SHANK2: variants seen among roughly 807,000 people sequenced by gnomAD.
SHANK2 encodes the protein SH3 and multiple ankyrin repeat domains 2, also known as SH3 and multiple ankyrin repeat domains protein 2.
A neutral mutation model predicts 133.7 loss-of-function variants in SHANK2; 43 were observed. The ratio of observed to expected loss-of-function variants is 0.32; its 90% confidence interval spans 0.25 to 0.41. SHANK2 has a LOEUF of 0.41. Ranked by LOEUF, SHANK2 falls within the 10% of genes least tolerant of loss-of-function variation. SHANK2 has a pLI of 1.00. For synonymous variants in SHANK2, 1,017 were observed against 952.8 expected (o/e 1.07, Z -1.24); for missense variants, 1,994 against 2,235.8 (o/e 0.89, Z 2.18).
chr11:70,748,981 G>A lies in SHANK2; in HGVS notation c.1777+49462C>T, dbSNP rs374637201. On this transcript the variant is annotated intron_variant, in intron 14 of 25. Coordinates refer to ENST00000601538, the MANE Select transcript of SHANK2 (RefSeq NM_012309.5). ...AACACTACACAACAGAAACAATAAC[G>A]AATCCCCCCCATCACACACACACAG... 1.0e-3 allele frequency among the ~76,000 whole-genome samples: 143 copies of A among 143,408 alleles called. 1 individual carries two copies. The highest frequency in any genetic ancestry group is 3.5e-3 in the Middle Eastern group (1 of 286). 94.1% of individuals were successfully genotyped at this position (143,408 alleles called of 152,430 possible). A position where few individuals can be genotyped will look rare whatever the true frequency, so the allele number is the denominator to read the frequency against.
chr11:70,747,689 A>G (rs1555036531), intron 14 of SHANK2, among the ~76,000 whole-genome samples: 2 of 152,176 alleles, frequency 1.3e-5, no homozygotes, highest in East Asian at 1.9e-4. Context: ...GTGTGTGCAC[A>G]TGAGTATGTA....
chr11:71,069,423 T>C (rs1190870936), intron 9 of SHANK2, among the ~76,000 whole-genome samples: 2 of 150,404 alleles, frequency 1.3e-5, no homozygotes, highest in African/African-American at 4.9e-5. Context: ...CATCACCACC[T>C]TCATCATCAC....
At chr11:71,129,681 A>G (rs1458113056) in intron 3 of SHANK2, among the ~76,000 whole-genome samples, 5 of 152,108 alleles carry the variant, frequency 3.3e-5, no homozygotes, top group South Asian at 2.1e-4. Context: ...CAGTGAGGGA[A>G]GGTCACTCAC....
intron 8 of SHANK2, among the ~76,000 whole-genome samples, chr11:71,080,606 C>A (rs1205250105): frequency 6.6e-6 from 1 of 152,096 alleles, no homozygotes; most frequent in African/African-American, 2.4e-5. Flanking sequence ...AAAATTGTTC[C>A]CAACCACACT....
chr11:71,158,651 T>A (rs533959939), intron 2 of SHANK2, among the ~76,000 whole-genome samples: 10 of 152,310 alleles, frequency 6.6e-5, no homozygotes, highest in Admixed American at 2.6e-4. Flanking sequence ...GAGAGCCACA[T>A]AAAACCAAGA....
intron 17 of SHANK2, among the ~76,000 whole-genome samples, chr11:70,601,509 A>G (rs2060497114): frequency 6.6e-6 from 1 of 151,952 alleles, no homozygotes; most frequent in East Asian, 1.9e-4. Flanking sequence ...GCACAACCGC[A>G]CCTGGCCAAT....
At chr11:70,874,706 T>G (rs1418780360) in intron 11 of SHANK2, among the ~76,000 whole-genome samples, 4 of 149,186 alleles carry the variant, frequency 2.7e-5, no homozygotes, top group Non-Finnish European at 5.9e-5. Flanking sequence ...AAATTCCACC[T>G]TGTAGTTCAC....
chr11:70,771,540 G>A (rs1555042777), intron 14 of SHANK2, among the ~76,000 whole-genome samples: 1 of 152,070 alleles, frequency 6.6e-6, no homozygotes, highest in African/African-American at 2.4e-5. Context: ...TGGGTGGAGT[G>A]GGTGGGTATC....
Position 70,492,441 on chromosome 11 carries a change from G to C in SHANK2, c.2333C>G (p.Ala778Gly), listed in dbSNP as rs1555156140. The C allele has an allele frequency of 1.9e-6, 3 of 1,614,006 alleles. No homozygotes were observed. Among genetic ancestry groups the C allele is most frequent in the Non-Finnish European group, 2.5e-6 (3 of 1,180,046 alleles). ...KKDKPEEIVP[A>G]SKPSRAAENM... is the part of the protein sequence containing the mutation. ...CTCAGCAGCGCGGGAGGGCTTGGAG[G>C]CCGGGACTATCTCCTCGGGTTTATC... Residue 778 changes from alanine to glycine, a missense_variant, in exon 22 of 26, where the codon GCC becomes GGC. Physicochemically the swap from Ala to Gly is moderately conservative, Grantham distance 60 (BLOSUM62 0). Coordinates refer to ENST00000601538, the MANE Select transcript of SHANK2 (RefSeq NM_012309.5).
intron 22 of SHANK2, among the ~76,000 whole-genome samples, chr11:70,490,746 C>A (rs473257): frequency 0.97 from 147,699 of 152,320 alleles, 71,788 homozygotes; most frequent in East Asian, 1. Flanking sequence ...AAGGGCACAG[C>A]GTGGTGGGCA....
chr11:71,119,132 T>A, intron 3 of SHANK2, 100 bp from the exon 4 acceptor site: 1 of 925,596 alleles, frequency 1.1e-6, no homozygotes, highest in South Asian at 1.6e-5. Context: ...CTTCCACCCC[T>A]TCCCGACACT....
chr11:70,485,757 G>C lies in SHANK2; in HGVS notation c.4536C>G (p.Thr1512=), dbSNP rs374724544. The C allele has an allele frequency of 3.1e-6, 5 of 1,614,016 alleles. No individual in the cohort carries two copies. Among genetic ancestry groups the C allele is most frequent in the African/African-American group, 2.7e-5 (2 of 75,026 alleles). Residue 1512 remains threonine (T), a synonymous_variant, in exon 25 of 26, where the codon ACC becomes ACG. Transcript: ENST00000601538. The surrounding 1 kb of genome is among the most constrained non-coding windows in gnomAD (Gnocchi z 5.8). The part of the protein sequence containing the change: ...HHLETTSTIS[T]VSSISTLSSE... ...AAGACAGGGTGGAGATGCTAGACAC[G>C]GTGGAGATAGTGCTGGTCGTCTCGA...
intron 11 of SHANK2, among the ~76,000 whole-genome samples, chr11:70,892,584 T>G (rs2135638322): frequency 6.6e-6 from 1 of 152,328 alleles, no homozygotes; most frequent in South Asian, 2.1e-4. Flanking sequence ...AGGTAAGTAC[T>G]TCAGCATCAG....
At chr11:71,112,246 A>G (rs368513178) in intron 5 of SHANK2, among the ~76,000 whole-genome samples, 3 of 152,136 alleles carry the variant, frequency 2.0e-5, no homozygotes, top group East Asian at 1.9e-4. Flanking sequence ...ATACAAAATT[A>G]GCCAGGCATG....
intron 17 of SHANK2, among the ~76,000 whole-genome samples, chr11:70,556,393 T>TTC (rs1157375439): frequency 0.013 from 151 of 11,968 alleles, 1 homozygote; most frequent in South Asian, 0.014. Context: ...CTTTCTTTCT[T>TTC]TCTCTCTCTC....
Position 70,650,460 on chromosome 11 carries a change from A to G in SHANK2, c.2061+9368T>C, listed in dbSNP as rs371305747. On this transcript the variant is annotated intron_variant, in intron 17 of 25. Coordinates refer to ENST00000601538, the MANE Select transcript of SHANK2 (RefSeq NM_012309.5). ...CTAGTTCAGCACCCTGCAGAGAGCC[A>G]GTGCCCTGGAGTGGTTCAGCACCCT... is the stretch of plus-strand genomic sequence containing the variant. 1.2e-4 allele frequency among the ~76,000 whole-genome samples: 19 copies of G among 152,296 alleles called. No homozygotes were observed. The South Asian group carries it at 3.9e-3, about 32-fold the overall frequency.
At chr11:71,146,518 C>T in intron 3 of SHANK2, among the ~76,000 whole-genome samples, 1 of 152,266 alleles carries the variant, frequency 6.6e-6, no homozygotes, top group East Asian at 1.9e-4. Flanking sequence ...TAAGGACAGA[C>T]ATCCAGGACA....
At chr11:71,065,063 C>T (rs1298398636) in intron 9 of SHANK2, among the ~76,000 whole-genome samples, 7 of 152,022 alleles carry the variant, frequency 4.6e-5, no homozygotes, top group Non-Finnish European at 8.8e-5. Flanking sequence ...GCCACAGAAA[C>T]GTTGAGCTGG....
At chr11:70,516,929 C>T (rs1363982186) in intron 17 of SHANK2, among the ~76,000 whole-genome samples, 16 of 152,120 alleles carry the variant, frequency 1.1e-4, no homozygotes, top group East Asian at 9.7e-4. Flanking sequence ...AAAAATCAGC[C>T]GGGCATGGTG....
Sources: allele counts gnomAD v4.1 joint callset (sites outside exome capture counted in the v4.1 genomes callset), GRCh38; gene constraint gnomAD v4.1.1; non-coding constraint Gnocchi (gnomAD v3.1); transcripts MANE v1.5; gene names NCBI Gene and HGNC (gene_info 2026-07-23, HGNC 2026-07-21).